Variants in CACNA2D3 observed in about 807,000 individuals in gnomAD.
The protein encoded by CACNA2D3 is calcium voltage-gated channel auxiliary subunit alpha2delta 3, also known as voltage-dependent calcium channel subunit alpha-2/delta-3.
A neutral mutation model predicts 160.6 loss-of-function variants in CACNA2D3; 60 were observed. The observed-to-expected ratio is 0.37, with a 90% confidence interval of 0.30 to 0.46. The LOEUF (loss-of-function observed/expected upper bound fraction) is 0.46, where lower values mean the gene tolerates loss of function less well. Among genes scored for constraint, CACNA2D3 ranks in the 20% least tolerant of loss-of-function variants. The probability of loss-of-function intolerance (pLI) is 1.00; values close to 1 mark genes in which losing one functional copy is unlikely to be tolerated. For missense variants in CACNA2D3, 1,205 were observed against 1,365.0 expected (o/e 0.88, Z 1.85); for synonymous variants, 558 against 492.9 (o/e 1.13, Z -1.75).
intron 9 of CACNA2D3, among the ~76,000 whole-genome samples, chr3:54,623,096 G>A (rs904678232): frequency 3.3e-5 from 5 of 152,234 alleles, no homozygotes; most frequent in Middle Eastern, 3.4e-3. Flanking sequence ...CAATTAAGTG[G>A]CCCACATCAG....
intron 5 of CACNA2D3, among the ~76,000 whole-genome samples, chr3:54,529,605 C>G (rs995848617): frequency 6.6e-6 from 1 of 152,170 alleles, no homozygotes; most frequent in Non-Finnish European, 1.5e-5. Flanking sequence ...TCAGGTTGTT[C>G]TGGAGAGGCT....
intron 10 of CACNA2D3, among the ~76,000 whole-genome samples, chr3:54,636,235 A>G (rs1699367585): frequency 6.6e-6 from 1 of 152,140 alleles, no homozygotes; most frequent in South Asian, 2.1e-4. Context: ...TGGAACTACC[A>G]TCAATAAATC....
chr3:54,166,898 TC>T (rs1270942972), intron 2 of CACNA2D3, among the ~76,000 whole-genome samples: 3 of 152,256 alleles, frequency 2.0e-5, no homozygotes, highest in Non-Finnish European at 4.4e-5. Context: ...AGGTCATTTT[TC>T]CTATCAAAGA....
At chr3:54,195,650 G>C (rs1701064700) in intron 2 of CACNA2D3, among the ~76,000 whole-genome samples, 1 of 152,228 alleles carries the variant, frequency 6.6e-6, no homozygotes, top group Non-Finnish European at 1.5e-5. Context: ...AAGCTGCTCA[G>C]GTAGTCCAGG....
chr3:54,360,026 T>G (rs1698715634), intron 3 of CACNA2D3, among the ~76,000 whole-genome samples: 1 of 152,174 alleles, frequency 6.6e-6, no homozygotes, highest in Admixed American at 6.5e-5. Context: ...GGATGCTGGG[T>G]GTGTTTTCAG....
intron 4 of CACNA2D3, among the ~76,000 whole-genome samples, chr3:54,427,044 A>G (rs189440038): frequency 6.7e-6 from 1 of 149,916 alleles, no homozygotes; most frequent in Non-Finnish European, 1.5e-5. Context: ...TCTACCCACC[A>G]TTCTTTCCTT....
chr3:54,889,530 T>G (rs774657912), intron 24 of CACNA2D3, among the ~76,000 whole-genome samples: 7 of 152,114 alleles, frequency 4.6e-5, no homozygotes, highest in Non-Finnish European at 8.8e-5. Context: ...GTTTATATCA[T>G]GAGCTATTGG....
intron 4 of CACNA2D3, among the ~76,000 whole-genome samples, chr3:54,467,463 A>G (rs1403215870): frequency 2.6e-5 from 4 of 152,230 alleles, no homozygotes; most frequent in Non-Finnish European, 5.9e-5. Flanking sequence ...CTCAAGTCTT[A>G]GCTTGATTGA....
chr3:54,933,470 C>A (rs1701256894), intron 27 of CACNA2D3, among the ~76,000 whole-genome samples: 1 of 152,170 alleles, frequency 6.6e-6, no homozygotes, highest in Non-Finnish European at 1.5e-5. Flanking sequence ...AAGGTACTTA[C>A]CACTTCTGCT....
intron 12 of CACNA2D3, among the ~76,000 whole-genome samples, chr3:54,755,035 C>T (rs574930884): frequency 1.9e-4 from 29 of 152,288 alleles, no homozygotes; most frequent in Non-Finnish European, 3.2e-4. Flanking sequence ...ATAGACCTTC[C>T]GTACTATGGC....
At chr3:54,569,320 A>G (rs9836619) in intron 6 of CACNA2D3, among the ~76,000 whole-genome samples, 79,126 of 152,050 alleles carry the variant, frequency 0.52, 21,587 homozygotes, top group Middle Eastern at 0.68. Flanking sequence ...TGAGGAGGGA[A>G]CAGACCCGTG....
chr3:54,666,542 A>G (rs756194984), intron 11 of CACNA2D3, among the ~76,000 whole-genome samples: 1 of 152,196 alleles, frequency 6.6e-6, no homozygotes, highest in African/African-American at 2.4e-5. Context: ...GATCTATCCA[A>G]TGCCATTGCT....
At chr3:54,984,194 G>C (rs1212455043) in intron 29 of CACNA2D3, among the ~76,000 whole-genome samples, 1 of 152,018 alleles carries the variant, frequency 6.6e-6, no homozygotes, top group African/African-American at 2.4e-5. Context: ...TTAGAGTAAT[G>C]ACATTGTGCT....
At chr3:54,789,026 A>G (rs1287532350) in intron 13 of CACNA2D3, among the ~76,000 whole-genome samples, 1 of 152,216 alleles carries the variant, frequency 6.6e-6, no homozygotes, top group Non-Finnish European at 1.5e-5. Context: ...TAAAAATTAC[A>G]GCTGCATTTA....
Position 54,512,318 on chromosome 3 carries a change from A to G in CACNA2D3, c.544+8664A>G, listed in dbSNP as rs77193251. On this transcript the variant is annotated intron_variant, in intron 5 of 37. Transcript: ENST00000474759. Reference sequence around the variant, plus strand: ...CTTCTTGCTTATCTGTGCAAAGACAATGATAGCACCTATCTCATGGGGGCT... The same window carrying G: ...CTTCTTGCTTATCTGTGCAAAGACAGTGATAGCACCTATCTCATGGGGGCT... Among the ~76,000 whole-genome samples, 21 of 152,350 alleles carry G rather than the reference A, an allele frequency of 1.4e-4. No individual in the cohort carries two copies. The East Asian group carries it at 2.1e-3, about 15-fold the overall frequency.
At chr3:54,660,020 C>A (rs191676302) in intron 11 of CACNA2D3, among the ~76,000 whole-genome samples, 1 of 152,252 alleles carries the variant, frequency 6.6e-6, no homozygotes, top group East Asian at 1.9e-4. Flanking sequence ...CCTTTGAAGT[C>A]AATCCTGACA....
chr3:54,440,254 C>T (rs1021911377), intron 4 of CACNA2D3, among the ~76,000 whole-genome samples: 3 of 152,192 alleles, frequency 2.0e-5, no homozygotes, highest in Admixed American at 2.0e-4. Context: ...CTCCTGTGGG[C>T]TGACAGCTGT....
intron 2 of CACNA2D3, among the ~76,000 whole-genome samples, chr3:54,134,508 T>C (rs1699780765): frequency 6.6e-6 from 1 of 152,130 alleles, no homozygotes; most frequent in Non-Finnish European, 1.5e-5. Flanking sequence ...GTGATGGAAA[T>C]AAGAGCACCG....
At position 54,819,848 on chromosome 3, in the gene CACNA2D3, A is replaced by AACAC. The variant is rs150854721; in HGVS notation, c.1398+2992_1398+2995dup. On this transcript the variant is annotated intron_variant, in intron 14 of 37. Transcript: ENST00000474759. ...GACAGGGTGAGACTCCACCTCAAAA[A>AACAC]ACACACACACACACACAAAACCTGT... 1.8e-4 allele frequency among the ~76,000 whole-genome samples: 28 copies of AACAC among 151,596 alleles called. 1 individual carries two copies. In the East Asian group the frequency reaches 5.1e-3, roughly 27 times the overall value.
Sources: gnomAD v4.1 joint callset for allele counts (sites outside exome capture counted in the v4.1 genomes callset) on GRCh38, gnomAD v4.1.1 for gene constraint, MANE v1.5 for transcripts, NCBI Gene and HGNC (gene_info 2026-07-23, HGNC 2026-07-21) for gene names.